The following PDE1C variants were observed in gnomAD, a reference collection of about 807,000 sequenced individuals.
PDE1C encodes the protein dual specificity calcium/calmodulin-dependent 3',5'-cyclic nucleotide phosphodiesterase 1C.
PDE1C carries 62 observed loss-of-function variants against 93.1 expected under a neutral mutation model. That is an observed-to-expected ratio of 0.67 (90% CI 0.54 to 0.82). The LOEUF is 0.82. Ranked by LOEUF, PDE1C falls within the 40% of genes least tolerant of loss-of-function variation. The probability of loss-of-function intolerance (pLI) is 0.00; values close to 1 mark genes in which losing one functional copy is unlikely to be tolerated. For missense variants in PDE1C, 742 were observed against 884.6 expected (o/e 0.84, Z 2.04); for synonymous variants, 325 against 310.1 (o/e 1.05, Z -0.50).
intron 2 of PDE1C, among the ~76,000 whole-genome samples, chr7:31,932,072 T>C (rs2128983029): frequency 6.6e-6 from 1 of 152,264 alleles, no homozygotes; most frequent in African/African-American, 2.4e-5. Flanking sequence ...TAACTCAAGA[T>C]GGATTAAAGA....
chr7:32,212,025 C>CAAAAAAA (rs35827566), intron 1 of PDE1C, among the ~76,000 whole-genome samples: 8 of 81,238 alleles, frequency 9.8e-5, no homozygotes, highest in Non-Finnish European at 1.7e-4. Flanking sequence ...GAACCTATCT[C>CAAAAAAA]AAAAAAAAAA....
At chr7:32,112,806 G>T (rs55839520) in intron 3 of PDE1C, among the ~76,000 whole-genome samples, 1 of 82,108 alleles carries the variant, frequency 1.2e-5, no homozygotes. Context: ...ATACATATAT[G>T]TGTGTGTGTG....
intron 1 of PDE1C, among the ~76,000 whole-genome samples, chr7:32,276,304 A>C (rs1246051329): frequency 6.6e-6 from 1 of 152,246 alleles, no homozygotes; most frequent in East Asian, 1.9e-4. Flanking sequence ...AAGCATAAAC[A>C]GGATTTGAAT....
chr7:31,636,609 G>T, the PDE1C span, among the ~76,000 whole-genome samples: 1 of 152,040 alleles, frequency 6.6e-6, no homozygotes, highest in Non-Finnish European at 1.5e-5. Flanking sequence ...CTGGGAGTGG[G>T]AGTGAGAAGT....
chr7:31,900,947 T>C (rs1238227887), intron 2 of PDE1C, among the ~76,000 whole-genome samples: 1 of 151,748 alleles, frequency 6.6e-6, no homozygotes, highest in Middle Eastern at 3.2e-3. Context: ...AAAAAAAAAT[T>C]TGATGCAGTT....
chr7:31,661,094 A>G, the PDE1C span, among the ~76,000 whole-genome samples: 1 of 63,430 alleles, frequency 1.6e-5, no homozygotes, highest in South Asian at 7.0e-4. Context: ...CACAAATAGA[A>G]ATTACAAATT....
At chr7:32,181,135 C>T (rs1051566874) in intron 2 of PDE1C, among the ~76,000 whole-genome samples, 10 of 152,112 alleles carry the variant, frequency 6.6e-5, no homozygotes, top group Non-Finnish European at 1.3e-4. Flanking sequence ...CAGGAGCACC[C>T]AGATTCATAA....
the PDE1C span, among the ~76,000 whole-genome samples, chr7:31,669,024 TG>T: frequency 0.71 from 107,161 of 151,808 alleles, 38,202 homozygotes; most frequent in East Asian, 0.82. Flanking sequence ...CAGTTCAGCC[TG>T]GGTCTGTTAA....
intron 3 of PDE1C, among the ~76,000 whole-genome samples, chr7:32,112,496 G>A (rs7808020): frequency 0.12 from 18,508 of 151,794 alleles, 1,957 homozygotes; most frequent in African/African-American, 0.29. Flanking sequence ...ACAGGGTCTC[G>A]CTCTGTAGCC....
intron 3 of PDE1C, among the ~76,000 whole-genome samples, chr7:32,120,625 C>G (rs1799244926): frequency 6.6e-6 from 1 of 152,146 alleles, no homozygotes; most frequent in African/African-American, 2.4e-5. Context: ...CCAGTAAAGA[C>G]AGCAGCCCTC....
intron 1 of PDE1C, among the ~76,000 whole-genome samples, chr7:32,402,467 G>A (rs533052877): frequency 4.6e-5 from 7 of 152,078 alleles, no homozygotes; most frequent in South Asian, 2.1e-4. Flanking sequence ...AAGCAGAGAT[G>A]GATGTCCCAG....
At chr7:32,417,378 A>G (rs1785296673) in intron 1 of PDE1C, among the ~76,000 whole-genome samples, 1 of 152,090 alleles carries the variant, frequency 6.6e-6, no homozygotes, top group Admixed American at 6.5e-5. Flanking sequence ...CACATGTCTA[A>G]TAATAAAAAC....
chr7:31,840,162 C>T (rs1358240786), intron 9 of PDE1C, among the ~76,000 whole-genome samples: 2 of 152,108 alleles, frequency 1.3e-5, no homozygotes, highest in Non-Finnish European at 2.9e-5. Flanking sequence ...TAATTTCAGC[C>T]ATTCTTCTGA....
At chr7:31,966,755 CTG>C (rs1416817710) in intron 2 of PDE1C, among the ~76,000 whole-genome samples, 1 of 152,212 alleles carries the variant, frequency 6.6e-6, no homozygotes, top group Non-Finnish European at 1.5e-5. Context: ...TTATAACAGA[CTG>C]TCTCTCAGAC....
At chr7:31,707,272 A>G in the PDE1C span, 5 of 1,613,592 alleles carry the variant, frequency 3.1e-6, no homozygotes, top group South Asian at 3.3e-5. Flanking sequence ...TGGTGACAAG[A>G]TAGCTATTTA....
intron 2 of PDE1C, among the ~76,000 whole-genome samples, chr7:31,963,838 A>T (rs549646104): frequency 6.6e-6 from 1 of 152,336 alleles, no homozygotes; most frequent in Non-Finnish European, 1.5e-5. Flanking sequence ...ACTGACCTTG[A>T]CCTGAAAGAG....
chr7:32,116,332 C>T (rs756434182), intron 3 of PDE1C, among the ~76,000 whole-genome samples: 1 of 151,748 alleles, frequency 6.6e-6, no homozygotes. Context: ...TACTTCATTG[C>T]CAAAGGATGC....
chr7:32,258,201 G>C (rs10223907), intron 1 of PDE1C, among the ~76,000 whole-genome samples: 17,823 of 152,248 alleles, frequency 0.12, 1,199 homozygotes, highest in African/African-American at 0.16. Flanking sequence ...CTGCCCACAA[G>C]CTGGGGACCA....
At chr7:32,188,236 A>G (rs1362710931) in intron 2 of PDE1C, among the ~76,000 whole-genome samples, 1 of 152,130 alleles carries the variant, frequency 6.6e-6, no homozygotes, top group African/African-American at 2.4e-5. Flanking sequence ...TTACTAAAAA[A>G]AATTATTTCT....
Sources: allele counts gnomAD v4.1 joint callset (sites outside exome capture counted in the v4.1 genomes callset), GRCh38; gene constraint gnomAD v4.1.1; transcripts MANE v1.5; gene names NCBI Gene and HGNC (gene_info 2026-07-23, HGNC 2026-07-21).